Variants in GDA observed in about 807,000 individuals in gnomAD.
GDA encodes the protein cytoplasmic PSD-95 interactor.
GDA carries 18 observed loss-of-function variants against 59.6 expected under a neutral mutation model. The ratio of observed to expected loss-of-function variants is 0.30; its 90% CI spans 0.21 to 0.45. The LOEUF is 0.45. Ranked by LOEUF, GDA falls within the 20% of genes least tolerant of loss-of-function variation. The probability of loss-of-function intolerance (pLI) is 1.00; values close to 1 mark genes in which losing one functional copy is unlikely to be tolerated. For synonymous variants in GDA, 201 were observed against 201.1 expected (o/e 1.00, Z 0.00); for missense variants, 427 against 552.3 (o/e 0.77, Z 2.27).
At chr9:72,223,031 G>A (rs1020397484) in intron 6 of GDA, 89 bp from the exon 7 acceptor site, 81 of 716,988 alleles carry the variant, frequency 1.1e-4, no homozygotes, top group Middle Eastern at 4.9e-4. Flanking sequence ...TATAGTTTTC[G>A]GTTTTACATT....
intron 6 of GDA, among the ~76,000 whole-genome samples, chr9:72,222,917 G>A (rs545787945): frequency 9.9e-4 from 150 of 152,208 alleles, no homozygotes; most frequent in Middle Eastern, 6.8e-3. Flanking sequence ...ATGTTGGTCA[G>A]GCTGGTCTCG....
At chr9:72,119,862 T>C (rs7851493) in intron 1 of GDA, among the ~76,000 whole-genome samples, 151,030 of 152,332 alleles carry the variant, frequency 0.99, 74,884 homozygotes, top group East Asian at 1. Context: ...GGGATGTTTT[T>C]CCTCTGTGAC....
At chr9:72,245,035 A>ATTTTTTT in intron 11 of GDA, 113 bp from the exon 12 acceptor site, 1 of 856,816 alleles carries the variant, frequency 1.2e-6, no homozygotes, top group Non-Finnish European at 1.8e-6. Context: ...TTAAGATACT[A>ATTTTTTT]ATTTTTTTTT....
upstream of GDA, among the ~76,000 whole-genome samples, chr9:72,145,594 G>A (rs892676285): frequency 9.9e-5 from 15 of 152,174 alleles, no homozygotes; most frequent in African/African-American, 3.6e-4. Context: ...TGAGCAAAAT[G>A]TCAAAGCTAA....
intron 1 of GDA, among the ~76,000 whole-genome samples, chr9:72,117,414 C>A (rs1280076020): frequency 6.6e-6 from 1 of 152,064 alleles, no homozygotes; most frequent in Non-Finnish European, 1.5e-5. Context: ...AGAACAATCT[C>A]TCTCTTTCTC....
chr9:72,127,153 A>G (rs920219730), intron 1 of GDA, among the ~76,000 whole-genome samples: 1 of 152,042 alleles, frequency 6.6e-6, no homozygotes, highest in African/African-American at 2.4e-5. Context: ...ACAGCATGAC[A>G]CTTGCTATAT....
intron 3 of GDA, among the ~76,000 whole-genome samples, chr9:72,208,242 G>A (rs989052715): frequency 6.6e-6 from 1 of 152,150 alleles, no homozygotes; most frequent in Non-Finnish European, 1.5e-5. Flanking sequence ...AGCTTCTGAT[G>A]TCTGTACTAG....
chr9:72,250,793 C>T lies in GDA; in HGVS notation c.*2451C>T. ...ACCAGCCTCCTCACCCCATCCTCCA[C>T]CATTTCCTTAATGTTCCATGGTATT... On this transcript the variant is annotated 3_prime_UTR_variant, in exon 14 of 14. Transcript: ENST00000358399. The T allele has an allele frequency of 6.2e-7, 1 of 1,609,718 alleles. No individual in the cohort carries two copies. Among genetic ancestry groups the T allele is most frequent in the Non-Finnish European group, 8.5e-7 (1 of 1,177,128 alleles).
chr9:72,134,254 T>A (rs1291181819), intron 1 of GDA, among the ~76,000 whole-genome samples: 1 of 152,194 alleles, frequency 6.6e-6, no homozygotes, highest in Admixed American at 6.5e-5. Flanking sequence ...AAACATGACA[T>A]TTAATGTTTA....
chr9:72,160,179 G>C (rs1458165002), intron 1 of GDA, among the ~76,000 whole-genome samples: 1 of 152,036 alleles, frequency 6.6e-6, no homozygotes, highest in Non-Finnish European at 1.5e-5. Context: ...GCATGGTGGC[G>C]GGCGCCTGTA....
At chr9:72,139,892 CTAATTA>C (rs1322737899) in intron 1 of GDA, among the ~76,000 whole-genome samples, 2 of 152,130 alleles carry the variant, frequency 1.3e-5, no homozygotes, top group Non-Finnish European at 2.9e-5. Context: ...GGTTATATTT[CTAATTA>C]TATCTGTGCC....
chr9:72,196,800 T>G (rs975178464), intron 2 of GDA, among the ~76,000 whole-genome samples: 1 of 150,596 alleles, frequency 6.6e-6, no homozygotes, highest in Admixed American at 6.6e-5. Context: ...TGTCCATTTG[T>G]TATTATTGTT....
intron 3 of GDA, among the ~76,000 whole-genome samples, chr9:72,208,318 G>C (rs1011349507): frequency 6.6e-6 from 1 of 152,176 alleles, no homozygotes; most frequent in African/African-American, 2.4e-5. Context: ...TCAAGGTCAC[G>C]TAGCTAATAA....
At chr9:72,192,258 G>A (rs1191268367) in intron 1 of GDA, among the ~76,000 whole-genome samples, 2 of 88,022 alleles carry the variant, frequency 2.3e-5, no homozygotes, top group East Asian at 3.8e-4. Flanking sequence ...TTTTGAGAAC[G>A]AGTCTCACTC....
rs1171373585 is a variant in GDA, at chr9:72,229,198, A to T, written c.920+1158A>T. 149 of 164,310 alleles carry T rather than the reference A, an allele frequency of 9.1e-4. 2 individuals are homozygous for T. Among genetic ancestry groups the T allele is most frequent in the South Asian group, 4.0e-3 (21 of 5,236 alleles). The allele number at this position is 164,310 out of a possible 1,614,324, so 10.2% of individuals were successfully genotyped here. A position where few individuals can be genotyped will look rare whatever the true frequency, so the allele number is the denominator to read the frequency against. ...AAAAAAAAAAAAAAAAAAAAAAAAAAATATTAGCCGGGCATGGTGGCGGGC... is the reference window on the plus strand; with the variant it reads ...AAAAAAAAAAAAAAAAAAAAAAAAATATATTAGCCGGGCATGGTGGCGGGC... On this transcript the variant is annotated intron_variant, in intron 9 of 13. Transcript: ENST00000358399.
At chr9:72,233,464 GA>G (rs1015565973) in intron 10 of GDA, among the ~76,000 whole-genome samples, 1 of 152,110 alleles carries the variant, frequency 6.6e-6, no homozygotes. Context: ...GAAGAAAACT[GA>G]AAAAAATCAG....
intron 6 of GDA, among the ~76,000 whole-genome samples, chr9:72,221,245 T>C (rs1836820990): frequency 6.6e-6 from 1 of 152,102 alleles, no homozygotes; most frequent in Non-Finnish European, 1.5e-5. Context: ...TCACTTTTAG[T>C]CTCCCCAGCA....
chr9:72,196,502 G>T (rs1259670798), intron 2 of GDA, among the ~76,000 whole-genome samples: 1 of 148,448 alleles, frequency 6.7e-6, no homozygotes, highest in Non-Finnish European at 1.5e-5. Flanking sequence ...AAAAAAAAAA[G>T]CTCAGTTTCC....
chr9:72,199,038 C>T (rs1417022463), intron 2 of GDA, among the ~76,000 whole-genome samples: 1 of 152,064 alleles, frequency 6.6e-6, no homozygotes, highest in South Asian at 2.1e-4. Flanking sequence ...GCCTTCAGAT[C>T]TCTTCTCTGC....
Sources: gnomAD v4.1 joint callset for allele counts (sites outside exome capture counted in the v4.1 genomes callset) on GRCh38, gnomAD v4.1.1 for gene constraint, MANE v1.5 for transcripts, NCBI Gene and HGNC (gene_info 2026-07-23, HGNC 2026-07-21) for gene names.